The following DPP9 variants were observed in gnomAD, a reference collection of about 807,000 sequenced individuals.
DPP9 encodes the protein dipeptidyl peptidase 9.
In DPP9, 50 loss-of-function variants were observed where a neutral mutation model predicts 110.7. The observed-to-expected ratio is 0.45, with a 90% CI of 0.36 to 0.57. The LOEUF (loss-of-function observed/expected upper bound fraction) is 0.57, where lower values mean the gene tolerates loss of function less well. DPP9 is among the 20% of genes least tolerant of loss of function. The probability of loss-of-function intolerance (pLI) is 0.00; values close to 1 mark genes in which losing one functional copy is unlikely to be tolerated. For synonymous variants in DPP9, 561 were observed against 514.4 expected (o/e 1.09, Z -1.23); for missense variants, 1,022 against 1,217.9 (o/e 0.84, Z 2.39).
At chr19:4,691,577 G>A (rs1254543717) in intron 13 of DPP9, among the ~76,000 whole-genome samples, 2 of 151,558 alleles carry the variant, frequency 1.3e-5, no homozygotes, top group East Asian at 1.9e-4. Flanking sequence ...CATGACATCT[G>A]TGTGTGGCAC....
intron 21 of DPP9, among the ~76,000 whole-genome samples, chr19:4,677,597 A>G (rs2089057442): frequency 6.6e-6 from 1 of 152,172 alleles, no homozygotes; most frequent in Admixed American, 6.5e-5. Context: ...CACCGTCCCC[A>G]GCCTAGACCT....
At chr19:4,697,879 T>C (rs961226432) in intron 10 of DPP9, among the ~76,000 whole-genome samples, 2 of 152,190 alleles carry the variant, frequency 1.3e-5, no homozygotes, top group Non-Finnish European at 2.9e-5. Context: ...GCATGACTGC[T>C]GTCCTTACAG....
In DPP9 at chr19:4,685,530, C is replaced by T; in HGVS notation, c.2031+96G>A. Reference sequence around the variant, plus strand: ...ACCAGGCAGGTAGCCGGGGAGCCTCCTCTGGTTGACTGTTCTACAGCTGGC... The same window carrying T: ...ACCAGGCAGGTAGCCGGGGAGCCTCTTCTGGTTGACTGTTCTACAGCTGGC... On this transcript the variant is annotated intron_variant, in intron 17 of 21. Coordinates refer to ENST00000262960, the MANE Select transcript of DPP9 (RefSeq NM_139159.5). This position sits in a 1 kb window ranked among gnomAD's most constrained non-coding sequence, Gnocchi z 5.8. 7.4e-7 allele frequency: 1 copy of T among 1,349,366 alleles called. No homozygotes were observed. The highest frequency in any genetic ancestry group is 1.0e-6 in the Non-Finnish European group (1 of 980,520). 83.6% of individuals were successfully genotyped at this position (1,349,366 alleles called of 1,614,324 possible).
chr19:4,722,677 C>T lies in DPP9; in HGVS notation c.-88-126G>A, dbSNP rs1391688776. 6.1e-6 allele frequency: 4 copies of T among 660,836 alleles called. No individual in the cohort carries two copies. The African/African-American group carries it at 7.1e-5, about 12-fold the overall frequency. The allele number at this position is 660,836 out of a possible 1,614,324, so 40.9% of individuals were successfully genotyped here. On this transcript the variant is annotated intron_variant, in intron 1 of 21. Transcript: ENST00000262960. ...TCTACCTGGCTAGATTCTAGCTCTGCCTTGAAGCCCTGCAGCACTGTCTGC... is the reference window on the plus strand; with the variant it reads ...TCTACCTGGCTAGATTCTAGCTCTGTCTTGAAGCCCTGCAGCACTGTCTGC...
At chr19:4,688,919 C>T (rs2091049023) in intron 15 of DPP9, 27 bp from the exon 16 acceptor site, 1 of 1,507,206 alleles carries the variant, frequency 6.6e-7, no homozygotes, top group South Asian at 1.3e-5. Flanking sequence ...GTGATGAGCT[C>T]CACGGGATGC....
In DPP9 at chr19:4,681,390, A is replaced by C. The variant is rs1341845516; in HGVS notation, c.2474+1306T>G. On this transcript the variant is annotated intron_variant, in intron 20 of 21. Coordinates refer to ENST00000262960, the MANE Select transcript of DPP9 (RefSeq NM_139159.5). The stretch of plus-strand genomic sequence containing the variant: ...GAGTGCAGTGGTGCGATCTCAGCTC[A>C]CTGCGACCTCACCCTTCCAGGTTCA... 4.6e-5 allele frequency among the ~76,000 whole-genome samples: 7 copies of C among 152,174 alleles called. No individual in the cohort carries two copies. In the East Asian group the frequency reaches 1.4e-3, roughly 29 times the overall value.
rs761600246 is a variant in DPP9 at position 4,703,948 on chromosome 19, C to T, written c.707G>A (p.Ser236Asn). ...DPAFFSFINN[S>N]DLWVANIETG... is the part of the protein sequence containing the mutation. ...CTCGATGTTGGCCACCCACAGGTCG[C>T]TGTTATTGATGAAGGAGAAGAAGGC... is the stretch of plus-strand genomic sequence containing the variant. Residue 236 changes from serine (S) to asparagine (N), a missense_variant, in exon 7 of 22, where the codon AGC becomes AAC. By Grantham distance (46) the Ser-to-Asn change is conservative (BLOSUM62 1). Around this residue, in one of 3 missense-constraint regions of DPP9, gnomAD observed 810 missense variants for 920.6 expected, o/e 0.88. Transcript: ENST00000262960. 70 of 1,613,620 alleles carry T rather than the reference C, an allele frequency of 4.3e-5. No individual in the cohort carries two copies. Among genetic ancestry groups the T allele is most frequent in the Middle Eastern group, 3.3e-4 (2 of 6,084 alleles).
At chr19:4,679,556 C>T (rs1165935042) in intron 21 of DPP9, 2 of 459,410 alleles carry the variant, frequency 4.4e-6, no homozygotes, top group Non-Finnish European at 7.9e-6. Flanking sequence ...GTTCCTCCCT[C>T]CATTAGGCCC....
chr19:4,688,980 T>A, intron 15 of DPP9, 88 bp from the exon 16 acceptor site: 1 of 1,219,668 alleles, frequency 8.2e-7, no homozygotes, highest in Non-Finnish European at 1.0e-6. Context: ...GTAGCTTCCC[T>A]CCCGCCCGCC....
chr19:4,689,864 G>GTTCATCTCCAGCCCTAA lies in DPP9; in HGVS notation c.1597-143_1597-142insTTAGGGCTGGAGATGAA. ...TCGCCCAAGTCTGGCTTTAGGGCTG[G>GTTCATCTCCAGCCCTAA]AGATGAACCATCCCTGAGAGATGCG... On this transcript the variant is annotated intron_variant, in intron 14 of 21. Coordinates refer to ENST00000262960, the MANE Select transcript of DPP9 (RefSeq NM_139159.5). This position sits in a 1 kb window ranked among gnomAD's most constrained non-coding sequence, Gnocchi z 7.0. 2 of 934,466 alleles carry GTTCATCTCCAGCCCTAA rather than the reference G, an allele frequency of 2.1e-6. No homozygotes were observed. Among genetic ancestry groups the GTTCATCTCCAGCCCTAA allele is most frequent in the Non-Finnish European group, 3.1e-6 (2 of 648,690 alleles). 57.9% of individuals were successfully genotyped at this position (934,466 alleles called of 1,614,324 possible). A position where few individuals can be genotyped will look rare whatever the true frequency, so the allele number is the denominator to read the frequency against.
chr19:4,711,806 A>G (rs1020089036), intron 4 of DPP9, among the ~76,000 whole-genome samples: 1 of 143,666 alleles, frequency 7.0e-6, no homozygotes, highest in African/African-American at 2.5e-5. Flanking sequence ...AAAAGGAGGC[A>G]GAGGGGAATT....
chr19:4,683,418 G>A (rs749488987), intron 19 of DPP9, 59 bp downstream of exon 19: 39 of 1,604,756 alleles, frequency 2.4e-5, no homozygotes, highest in Middle Eastern at 1.7e-4. Flanking sequence ...CAAACGCGGC[G>A]TAGATGGGGA....
intron 4 of DPP9, among the ~76,000 whole-genome samples, chr19:4,709,827 G>T (rs956409751): frequency 1.3e-5 from 2 of 152,124 alleles, no homozygotes; most frequent in Admixed American, 1.3e-4. Context: ...CAGGAGGGGT[G>T]GGAGGGATGG....
chr19:4,689,828 G>A lies in DPP9; in HGVS notation c.1597-106C>T, dbSNP rs2091149040. 3.2e-6 allele frequency: 4 copies of A among 1,237,836 alleles called. No individual in the cohort carries two copies. The highest frequency in any genetic ancestry group is 2.7e-5 in the East Asian group (1 of 37,466). The allele number at this position is 1,237,836 out of a possible 1,614,324, so 76.7% of individuals were successfully genotyped here. A position where few individuals can be genotyped will look rare whatever the true frequency, so the allele number is the denominator to read the frequency against. ...GCCCCATGTTCCTCGGACTGGGGAC[G>A]CATGCTGTCCTCGCCCAAGTCTGGC... On this transcript the variant is annotated intron_variant, in intron 14 of 21. Coordinates refer to ENST00000262960, the MANE Select transcript of DPP9 (RefSeq NM_139159.5). The surrounding 1 kb of genome is among the most constrained non-coding windows in gnomAD (Gnocchi z 7.0).
chr19:4,708,949 G>A (rs756533656), intron 4 of DPP9, among the ~76,000 whole-genome samples: 1 of 152,136 alleles, frequency 6.6e-6, no homozygotes, highest in Non-Finnish European at 1.5e-5. Context: ...AGAGAGTCTC[G>A]CACTGTCACC....
rs757921029 is a variant in DPP9, at chr19:4,714,279, C to T, written c.115G>A (p.Asp39Asn). Residue 39 changes from aspartate to asparagine, a missense_variant, in exon 4 of 22, where the codon GAC (aspartate) becomes AAC (asparagine). Physicochemically the swap from Asp to Asn is conservative, Grantham distance 23. Around this residue, in one of 3 missense-constraint regions of DPP9, gnomAD observed 810 missense variants for 920.6 expected, o/e 0.88. Coordinates refer to ENST00000262960, the MANE Select transcript of DPP9 (RefSeq NM_139159.5). The stretch of plus-strand genomic sequence containing the variant: ...TCTGTGGCGGCTGCGTCGCCTCGGT[C>T]GGCCGTTGGGGTCCCGGTGGTGGCC... Reference protein sequence around the residue: ...RMATTGTPTADRGDAAATDDP... With the variant: ...RMATTGTPTANRGDAAATDDP... 20 of 1,554,486 alleles carry T rather than the reference C, an allele frequency of 1.3e-5. No homozygotes were observed. In the Middle Eastern group the frequency reaches 5.0e-4, roughly 39 times the overall value.
rs1482790200 is a variant in DPP9 at position 4,685,243 on chromosome 19, A to G, written c.2031+383T>C. ...TGGGGACAGAGCTGCTCTGGGTAAG[A>G]TGTGCGCCTAAGATGGTCCAACTGC... On this transcript the variant is annotated intron_variant, in intron 17 of 21. Coordinates refer to ENST00000262960, the MANE Select transcript of DPP9 (RefSeq NM_139159.5). This position sits in a 1 kb window ranked among gnomAD's most constrained non-coding sequence, Gnocchi z 5.8. 5 of 519,520 alleles carry G rather than the reference A, an allele frequency of 9.6e-6. No homozygotes were observed. In the Admixed American group the frequency reaches 1.1e-4, roughly 12 times the overall value. The allele number at this position is 519,520 out of a possible 1,614,324, so 32.2% of individuals were successfully genotyped here. A position where few individuals can be genotyped will look rare whatever the true frequency, so the allele number is the denominator to read the frequency against.
chr19:4,720,086 A>G, intron 2 of DPP9, 145 bp from the exon 3 acceptor site: 1 of 681,870 alleles, frequency 1.5e-6, no homozygotes, highest in Non-Finnish European at 2.6e-6. Flanking sequence ...GGCATTCTGA[A>G]GAGACGATGC....
chr19:4,683,049 G>C, intron 19 of DPP9: 1 of 1,507,894 alleles, frequency 6.6e-7, no homozygotes, highest in Non-Finnish European at 8.8e-7. Flanking sequence ...CAGGCGGGCA[G>C]GTGCGGCCCC....
Sources: gnomAD v4.1 joint callset for allele counts (sites outside exome capture counted in the v4.1 genomes callset) on GRCh38, gnomAD v4.1.1 for gene constraint, gnomAD v4.1.1 regional missense constraint, Gnocchi (gnomAD v3.1) non-coding constraint, MANE v1.5 for transcripts, NCBI Gene and HGNC (gene_info 2026-07-23, HGNC 2026-07-21) for gene names.